The following SORBS3 variants were observed in gnomAD, a reference collection of about 807,000 sequenced individuals.
SORBS3 encodes sorbin and SH3 domain containing 3.
Under a neutral mutation model 98.0 loss-of-function variants are expected in SORBS3, and 69 were observed. The ratio of observed to expected loss-of-function variants is 0.70; its 90% CI spans 0.58 to 0.86. SORBS3 has a LOEUF of 0.86. SORBS3 is among the 40% of genes least tolerant of loss of function. SORBS3 has a pLI of 0.00. For synonymous variants in SORBS3, 394 were observed against 355.4 expected, an observed-to-expected ratio of 1.11 and a Z score of -1.22; for missense variants, 954 against 908.5, an observed-to-expected ratio of 1.05 and a Z score of -0.64.
At chr8:22,571,912 G>A (rs940117964) in intron 19 of SORBS3, 91 bp downstream of exon 19, 12 of 931,358 alleles carry the variant, frequency 1.3e-5, no homozygotes, top group Admixed American at 1.9e-5. Context: ...GTCCCCACCT[G>A]TGGATTTGGG....
intron 16 of SORBS3, among the ~76,000 whole-genome samples, chr8:22,567,393 C>T (rs1181769127): frequency 2.0e-5 from 3 of 152,192 alleles, no homozygotes; most frequent in Admixed American, 2.0e-4. Context: ...AGGGGAGGAC[C>T]CAGCAGCCAG....
intron 17 of SORBS3, among the ~76,000 whole-genome samples, chr8:22,570,236 G>C (rs1417997160): frequency 6.6e-6 from 1 of 152,222 alleles, no homozygotes; most frequent in East Asian, 1.9e-4. Flanking sequence ...TGGCTGGATG[G>C]AGACAGATGG....
chr8:22,554,338 T>A lies in SORBS3; in HGVS notation c.-55-114T>A. 1 of 1,114,818 alleles carries A rather than the reference T, an allele frequency of 9.0e-7. No individual in the cohort carries two copies. The highest frequency in any genetic ancestry group is 1.2e-6 in the Non-Finnish European group (1 of 813,654). 69.1% of individuals were successfully genotyped at this position (1,114,818 alleles called of 1,614,324 possible). On this transcript the variant is annotated intron_variant, in intron 1 of 20. Coordinates refer to ENST00000240123, the MANE Select transcript of SORBS3 (RefSeq NM_005775.5). This position sits in a 1 kb window ranked among gnomAD's most constrained non-coding sequence, Gnocchi z 6.5. The stretch of plus-strand genomic sequence containing the variant: ...CTGGGTCCTTGAGCTAGTACCCAGC[T>A]GGTCCTGACCCCCTCCCACAGCCGG...
intron 3 of SORBS3, among the ~76,000 whole-genome samples, chr8:22,555,582 C>T (rs556059359): frequency 6.6e-6 from 1 of 152,212 alleles, no homozygotes; most frequent in South Asian, 2.1e-4. Context: ...CACAGCAAGA[C>T]CCTGTCACTT....
Position 22,561,890 on chromosome 8 carries a change from A to G in SORBS3, c.543A>G (p.Gln181=), listed in dbSNP as rs749875335. The change falls in exon 7 of 21, where the codon CAA becomes CAG. Residue 181 remains glutamine (Q), a synonymous_variant. Transcript: ENST00000240123. ...PRDPRHLGAQ[Q]RPAHRPGPAT... ...ACCCCAGGCATCTAGGAGCCCAGCA[A>G]AGACCTGCCCACAGGCCCGGCCCGG... 1 of 1,614,140 alleles carries G rather than the reference A, an allele frequency of 6.2e-7. No individual in the cohort carries two copies. Among genetic ancestry groups the G allele is most frequent in the Non-Finnish European group, 8.5e-7 (1 of 1,180,016 alleles).
chr8:22,562,584 C>G (rs962122031), intron 7 of SORBS3, among the ~76,000 whole-genome samples: 14 of 152,186 alleles, frequency 9.2e-5, no homozygotes, highest in African/African-American at 3.1e-4. Context: ...GCCCGTAGCT[C>G]TGGGCATCAC....
At position 22,556,901 on chromosome 8, in the gene SORBS3, C is replaced by T; in HGVS notation, c.407C>T (p.Pro136Leu). Residue 136 changes from proline (P) to leucine (L), a missense_variant, in exon 4 of 21, where the codon CCC becomes CTC. Transcript: ENST00000240123. The stretch of plus-strand genomic sequence containing the variant: ...GACGAGAGCGGCATGCCCATTGCCC[C>T]CCGATCCGTGAGTCCAGGGCTGGGG... Reference protein sequence around the residue: ...PVDESGMPIAPRSSVDRPRDW... With the variant: ...PVDESGMPIALRSSVDRPRDW... 1.2e-6 allele frequency: 2 copies of T among 1,612,692 alleles called. No homozygotes were observed. Among genetic ancestry groups the T allele is most frequent in the Non-Finnish European group, 1.7e-6 (2 of 1,180,022 alleles).
At position 22,572,542 on chromosome 8, in the gene SORBS3, C is replaced by T. The variant is rs1038292994; in HGVS notation, c.1954+96C>T. Reference sequence around the variant, plus strand: ...GTGCTGCTTCAGCAAAGATTCATGGCCGACCACCCCCCGACTCAGCTTCCG... The same window carrying T: ...GTGCTGCTTCAGCAAAGATTCATGGTCGACCACCCCCCGACTCAGCTTCCG... On this transcript the variant is annotated intron_variant, in intron 20 of 20. Coordinates refer to ENST00000240123, the MANE Select transcript of SORBS3 (RefSeq NM_005775.5). 26 of 973,924 alleles carry T rather than the reference C, an allele frequency of 2.7e-5. No homozygotes were observed. The Admixed American group carries it at 3.8e-4, about 14-fold the overall frequency. The allele number at this position is 973,924 out of a possible 1,614,324, so 60.3% of individuals were successfully genotyped here.
intron 20 of SORBS3, among the ~76,000 whole-genome samples, chr8:22,572,978 C>T (rs531039080): frequency 1.3e-5 from 2 of 152,392 alleles, no homozygotes; most frequent in Non-Finnish European, 2.9e-5. Flanking sequence ...CACATGGCCT[C>T]TTTCCCCAGA....
chr8:22,552,819 C>T (rs1373405873), intron 1 of SORBS3, among the ~76,000 whole-genome samples: 5 of 152,230 alleles, frequency 3.3e-5, no homozygotes, highest in Admixed American at 6.5e-5. Flanking sequence ...CCTCAACTCC[C>T]CCCCGCAAGG....
At chr8:22,569,961 C>A (rs1430953170) in intron 17 of SORBS3, among the ~76,000 whole-genome samples, 1 of 152,180 alleles carries the variant, frequency 6.6e-6, no homozygotes, top group Admixed American at 6.5e-5. Context: ...GAAATGTTAG[C>A]ATGCGTTGCG....
Position 22,558,144 on chromosome 8 carries a change from A to G in SORBS3, c.430A>G (p.Arg144Gly), listed in dbSNP as rs760758138. The change falls in exon 5 of 21, where the codon AGA becomes GGA. Residue 144 changes from arginine to glycine, a missense_variant. Physicochemically the swap from Arg to Gly is moderately radical, Grantham distance 125 (BLOSUM62 -2). Transcript: ENST00000240123. The part of the protein sequence containing the change: ...IAPRSSVDRP[R>G]DWYRRMFQQI... Reference sequence around the variant, plus strand: ...CTGATCCCAGAGCGTTGACAGACCCAGAGACTGGTACCGGAGAATGTTCCA... The same window carrying G: ...CTGATCCCAGAGCGTTGACAGACCCGGAGACTGGTACCGGAGAATGTTCCA... 40 of 1,614,088 alleles carry G rather than the reference A, an allele frequency of 2.5e-5. No individual in the cohort carries two copies. Among genetic ancestry groups the G allele is most frequent in the East Asian group, 4.5e-5 (2 of 44,894 alleles).
At chr8:22,553,880 G>C (rs1195937324) in intron 1 of SORBS3, among the ~76,000 whole-genome samples, 1 of 152,116 alleles carries the variant, frequency 6.6e-6, no homozygotes, top group African/African-American at 2.4e-5. Context: ...GCTCGCAAGA[G>C]TGGGTCTTGC....
At chr8:22,565,032 G>C (rs1260789580) in intron 10 of SORBS3, 2 of 1,401,538 alleles carry the variant, frequency 1.4e-6, no homozygotes, top group African/African-American at 3.0e-5. Context: ...CGGAATCGCG[G>C]GATCAGGAAG....
At chr8:22,556,544 T>C in intron 3 of SORBS3, 171 bp from the exon 4 acceptor site, 1 of 626,908 alleles carries the variant, frequency 1.6e-6, no homozygotes, top group Admixed American at 2.7e-5. Context: ...TCCATTTAAA[T>C]TCACTTAAAC....
In SORBS3 at chr8:22,554,562, C is replaced by A; in HGVS notation, c.56C>A (p.Pro19His). The change falls in exon 2 of 21, where the codon CCT (proline) becomes CAT (histidine). Residue 19 changes from proline to histidine, a missense_variant. Transcript: ENST00000240123. This position sits in a 1 kb window ranked among gnomAD's most constrained non-coding sequence, Gnocchi z 6.5. ...RAGLSLDDFI[P>H]GHLQSHIGSS... ...GGGCTCAGCCTGGACGACTTCATCCCTGGCCACCTCCAGTCCCACATAGGG... is the reference window on the plus strand; with the variant it reads ...GGGCTCAGCCTGGACGACTTCATCCATGGCCACCTCCAGTCCCACATAGGG... The A allele has an allele frequency of 6.2e-7, 1 of 1,613,006 alleles. No homozygotes were observed. The highest frequency in any genetic ancestry group is 8.5e-7 in the Non-Finnish European group (1 of 1,179,992).
chr8:22,552,723 T>C (rs1348930089), intron 1 of SORBS3, among the ~76,000 whole-genome samples: 1 of 152,084 alleles, frequency 6.6e-6, no homozygotes, highest in East Asian at 1.9e-4. Flanking sequence ...TGAGCTGCAA[T>C]TTGGCCCGAA....
In SORBS3 at chr8:22,559,316, G is replaced by A. The variant is rs527891747; in HGVS notation, c.478+1124G>A. Among the ~76,000 whole-genome samples, 8 of 152,334 alleles carry A rather than the reference G, an allele frequency of 5.3e-5. No homozygotes were observed. In the South Asian group the frequency reaches 1.2e-3, roughly 24 times the overall value. On this transcript the variant is annotated intron_variant, in intron 5 of 20. Coordinates refer to ENST00000240123, the MANE Select transcript of SORBS3 (RefSeq NM_005775.5). ...ACTGGAATTTGCTGATGGATTGGAC[G>A]TGGCTTGGAAGAGAGAGTCAAGGAT...
chr8:22,569,489 G>A (rs1185662442), intron 17 of SORBS3, among the ~76,000 whole-genome samples: 3 of 152,004 alleles, frequency 2.0e-5, no homozygotes, highest in African/African-American at 7.3e-5. Context: ...ACAGGCACGC[G>A]CCACAACACC....
Sources: allele counts gnomAD v4.1 joint callset (sites outside exome capture counted in the v4.1 genomes callset), GRCh38; gene constraint gnomAD v4.1.1; non-coding constraint Gnocchi (gnomAD v3.1); transcripts MANE v1.5; gene names NCBI Gene and HGNC (gene_info 2026-07-23, HGNC 2026-07-21).